Variants in PCDHB8 observed in about 807,000 individuals in gnomAD.
The protein encoded by PCDHB8 is protocadherin beta 8.
For missense variants in PCDHB8, 836 were observed against 1,004.0 expected (o/e 0.83, Z 2.26); for synonymous variants, 385 against 448.5 (o/e 0.86, Z 1.79).
Position 141,177,957 on chromosome 5 carries a change from A to G in PCDHB8, c.-78A>G. Reference sequence around the variant, plus strand: ...TGGCATATTTCTGAGGTATCTGTAGAAAACCACAGCCTCAGATACTGGGGA... The same window carrying G: ...TGGCATATTTCTGAGGTATCTGTAGGAAACCACAGCCTCAGATACTGGGGA... On this transcript the variant is annotated 5_prime_UTR_variant, in exon 1 of 1. Transcript: ENST00000239444. 1.2e-6 allele frequency: 2 copies of G among 1,607,764 alleles called. No individual in the cohort carries two copies. Among genetic ancestry groups the G allele is most frequent in the East Asian group, 4.5e-5 (2 of 44,826 alleles).
At position 141,179,835 on chromosome 5, in the gene PCDHB8, G is replaced by T. The variant is rs782203531; in HGVS notation, c.1801G>T (p.Ala601Ser). 1 of 1,610,152 alleles carries T rather than the reference G, an allele frequency of 6.2e-7. No individual in the cohort carries two copies. The highest frequency in any genetic ancestry group is 8.5e-7 in the Non-Finnish European group (1 of 1,179,662). ...VAVDGDSGQN[A>S]WLSYQLLKAT... is the part of the protein sequence containing the mutation. ...GGTGGACGGCGACTCGGGCCAGAAC[G>T]CCTGGCTGTCGTACCAGCTGCTCAA... is the stretch of plus-strand genomic sequence containing the variant. The change falls in exon 1 of 1, where the codon GCC becomes TCC. Residue 601 changes from alanine (A) to serine (S), a missense_variant. By Grantham distance (99) the Ala-to-Ser change is moderately conservative. Coordinates refer to ENST00000239444, the MANE Select transcript of PCDHB8 (RefSeq NM_019120.5).
rs541365803 is a variant in PCDHB8 at position 141,178,910 on chromosome 5, T to C, written c.876T>C (p.Thr292=). 2.5e-6 allele frequency: 4 copies of C among 1,614,222 alleles called. No individual in the cohort carries two copies. The Admixed American group carries it at 6.7e-5, about 27-fold the overall frequency. The change falls in exon 1 of 1, where the codon ACT becomes ACC. Residue 292 remains threonine, a synonymous_variant. Coordinates refer to ENST00000239444, the MANE Select transcript of PCDHB8 (RefSeq NM_019120.5). ...LFQASDEISK[T]FKVDFLTGEI... ...AAGCTTCAGATGAGATAAGCAAAAC[T>C]TTTAAGGTCGATTTCTTGACAGGAG...
At position 141,178,026 on chromosome 5, in the gene PCDHB8, G is replaced by A. The variant is rs782174445; in HGVS notation, c.-9G>A. 6.2e-7 allele frequency: 1 copy of A among 1,613,602 alleles called. No homozygotes were observed. The highest frequency in any genetic ancestry group is 1.3e-5 in the African/African-American group (1 of 74,606). On this transcript the variant is annotated 5_prime_UTR_variant, in exon 1 of 1. Transcript: ENST00000239444. ...CCGTCCTCCCAGGAAGCTGAATTCA[G>A]CAAGAACAATGGAGGCCAGCGGGAA...
In PCDHB8 at chr5:141,178,948, A is replaced by G. The variant is rs782692600; in HGVS notation, c.914A>G (p.Lys305Arg). ...TTCTTGACAGGAGAAATTCGACTAA[A>G]GAAACAACTTGATTTCGAAAAATTT... ...VDFLTGEIRL[K>R]KQLDFEKFQS... The change falls in exon 1 of 1, where the codon AAG becomes AGG. Residue 305 changes from lysine to arginine, a missense_variant. Physicochemically the swap from Lys to Arg is conservative, Grantham distance 26. Coordinates refer to ENST00000239444, the MANE Select transcript of PCDHB8 (RefSeq NM_019120.5). 9 of 1,614,256 alleles carry G rather than the reference A, an allele frequency of 5.6e-6. No individual in the cohort carries two copies. The highest frequency in any genetic ancestry group is 7.6e-6 in the Non-Finnish European group (9 of 1,180,036).
chr5:141,179,868 G>A lies in PCDHB8; in HGVS notation c.1834G>A (p.Glu612Lys), dbSNP rs782552370. The change falls in exon 1 of 1, where the codon GAG becomes AAG. Residue 612 changes from glutamate to lysine, a missense_variant. Physicochemically the swap from Glu to Lys is moderately conservative, Grantham distance 56. Transcript: ENST00000239444. ...WLSYQLLKAT[E>K]PGLFGVWAHN... ...GTCGTACCAGCTGCTCAAGGCCACG[G>A]AGCCCGGGCTGTTCGGTGTGTGGGC... 6.2e-7 allele frequency: 1 copy of A among 1,609,966 alleles called. No homozygotes were observed. The highest frequency in any genetic ancestry group is 8.5e-7 in the Non-Finnish European group (1 of 1,179,678).
chr5:141,180,281 C>A lies in PCDHB8; in HGVS notation c.2247C>A (p.Asn749Lys), dbSNP rs782244145. The change falls in exon 1 of 1, where the codon AAC becomes AAA. Residue 749 changes from asparagine to lysine, a missense_variant. Transcript: ENST00000239444. ...GGGGCACCGGGAGCCTGTCTCAGAACTATCAGTACGAGGTGTGCCTGGCAG... is the reference window on the plus strand; with the variant it reads ...GGGGCACCGGGAGCCTGTCTCAGAAATATCAGTACGAGGTGTGCCTGGCAG... The part of the protein sequence containing the change: ...DVRGTGSLSQ[N>K]YQYEVCLAGG... 1.2e-6 allele frequency: 2 copies of A among 1,613,906 alleles called. No homozygotes were observed. Among genetic ancestry groups the A allele is most frequent in the Non-Finnish European group, 1.7e-6 (2 of 1,179,972 alleles).
Position 141,180,128 on chromosome 5 carries a change from G to A in PCDHB8, c.2094G>A (p.Val698=), listed in dbSNP as rs370441568. 1.9e-6 allele frequency: 3 copies of A among 1,610,954 alleles called. No individual in the cohort carries two copies. Among genetic ancestry groups the A allele is most frequent in the African/African-American group, 2.7e-5 (2 of 74,844 alleles). ...TVYLVVALAS[V]SSLFLFSVLL... is the part of the protein sequence containing the mutation. ...ACCTGGTGGTGGCGTTGGCCTCGGT[G>A]TCTTCGCTCTTCCTCTTCTCGGTGC... Residue 698 remains valine, a synonymous_variant, in exon 1 of 1, where the codon GTG becomes GTA. Coordinates refer to ENST00000239444, the MANE Select transcript of PCDHB8 (RefSeq NM_019120.5).
Position 141,180,429 on chromosome 5 carries a change from CAG to C in PCDHB8, c.2396_2397del (p.Gln799LeufsTer27). 1 of 1,569,470 alleles carries C rather than the reference CAG, an allele frequency of 6.4e-7. No homozygotes were observed. The highest frequency in any genetic ancestry group is 8.7e-7 in the Non-Finnish European group (1 of 1,155,258). On this transcript the variant is annotated frameshift_variant, in exon 1 of 1. Transcript: ENST00000239444. LOFTEE classifies it high-confidence loss of function. ...NFRNGFGFSLQLK is the reference protein window; with the variant it reads ...NFRNGFGFSLXLK ...TAGGAATGGCTTTGGTTTCAGCCTT[CAG>C]TTAAAGTAATTGATTTCATATTATA... is the stretch of plus-strand genomic sequence containing the variant.
In PCDHB8 at chr5:141,179,209, T is replaced by G. The variant is rs1464997173; in HGVS notation, c.1175T>G (p.Phe392Cys). 3 of 1,614,140 alleles carry G rather than the reference T, an allele frequency of 1.9e-6. No individual in the cohort carries two copies. Among genetic ancestry groups the G allele is most frequent in the Non-Finnish European group, 2.5e-6 (3 of 1,180,048 alleles). ...ISCSIQEDLP[F>C]LLKSSVGNFY... is the part of the protein sequence containing the mutation. ...TGCTCCATTCAGGAGGATCTACCCT[T>G]CCTCCTGAAATCTTCTGTGGGGAAC... Residue 392 changes from phenylalanine to cysteine, a missense_variant, in exon 1 of 1, where the codon TTC (phenylalanine) becomes TGC (cysteine). Transcript: ENST00000239444.
chr5:141,180,044 C>A lies in PCDHB8; in HGVS notation c.2010C>A (p.Pro670=). 4 of 1,609,626 alleles carry A rather than the reference C, an allele frequency of 2.5e-6. No homozygotes were observed. The highest frequency in any genetic ancestry group is 2.5e-6 in the Non-Finnish European group (3 of 1,179,828). ...HVLLVDGFSQ[P]YLPLPEAAPA... Reference sequence around the variant, plus strand: ...TCCTGGTGGACGGCTTCTCCCAGCCCTACCTGCCGCTTCCGGAGGCTGCCC... The same window carrying A: ...TCCTGGTGGACGGCTTCTCCCAGCCATACCTGCCGCTTCCGGAGGCTGCCC... The change falls in exon 1 of 1, where the codon CCC becomes CCA. Residue 670 remains proline, a synonymous_variant. Coordinates refer to ENST00000239444, the MANE Select transcript of PCDHB8 (RefSeq NM_019120.5).
At position 141,179,481 on chromosome 5, in the gene PCDHB8, A is replaced by C; in HGVS notation, c.1447A>C (p.Thr483Pro). 1 of 1,613,562 alleles carries C rather than the reference A, an allele frequency of 6.2e-7. No homozygotes were observed. The highest frequency in any genetic ancestry group is 1.1e-5 in the South Asian group (1 of 91,058). The change falls in exon 1 of 1, where the codon ACC (threonine) becomes CCC (proline). Residue 483 changes from threonine to proline, a missense_variant. Transcript: ENST00000239444. ...SVSATDRDSG[T>P]NAQVTYSLLP... is the part of the protein sequence containing the mutation. ...CAGCGCCACAGACAGAGACTCGGGC[A>C]CCAACGCCCAGGTCACCTACTCGCT...
In PCDHB8 at chr5:141,179,952, A is replaced by T. The variant is rs782389783; in HGVS notation, c.1918A>T (p.Arg640Trp). ...LLSERDAAKQ[R>W]LVVLVKDNGE... Reference sequence around the variant, plus strand: ...GAGCGAGCGCGACGCGGCCAAGCAGAGGCTGGTGGTGCTGGTCAAGGACAA... The same window carrying T: ...GAGCGAGCGCGACGCGGCCAAGCAGTGGCTGGTGGTGCTGGTCAAGGACAA... Residue 640 changes from arginine (R) to tryptophan (W), a missense_variant, in exon 1 of 1, where the codon AGG becomes TGG. Transcript: ENST00000239444. 2,159 of 1,608,462 alleles carry T rather than the reference A, an allele frequency of 1.3e-3. 3 individuals are homozygous for T. The highest frequency in any genetic ancestry group is 1.7e-3 in the Non-Finnish European group (2,050 of 1,179,580).
At position 141,180,237 on chromosome 5, in the gene PCDHB8, G is replaced by A. The variant is rs782542862; in HGVS notation, c.2203G>A (p.Gly735Arg). The change falls in exon 1 of 1, where the codon GGG becomes AGG. Residue 735 changes from glycine (G) to arginine (R), a missense_variant. Transcript: ENST00000239444. ...RCSVPEGPFP[G>R]HLVDVRGTGS... The stretch of plus-strand genomic sequence containing the variant: ...CTCAGTGCCTGAGGGCCCCTTTCCA[G>A]GGCATCTGGTGGACGTGAGGGGCAC... The A allele has an allele frequency of 1.7e-5, 28 of 1,613,430 alleles. No individual in the cohort carries two copies. Among genetic ancestry groups the A allele is most frequent in the Non-Finnish European group, 2.2e-5 (26 of 1,179,966 alleles).
rs146928691 is a variant in PCDHB8, at chr5:141,180,172, T to G, written c.2138T>G (p.Leu713Arg). Reference protein sequence around the residue: ...LFSVLLFVAVLLCRRSRAASV... With the variant: ...LFSVLLFVAVRLCRRSRAASV... ...TCGGTGCTCCTGTTCGTGGCGGTGC[T>G]GCTGTGTAGGAGGAGCAGGGCGGCC... is the stretch of plus-strand genomic sequence containing the variant. Residue 713 changes from leucine (L) to arginine (R), a missense_variant, in exon 1 of 1, where the codon CTG becomes CGG. Physicochemically the swap from Leu to Arg is moderately radical, Grantham distance 102. Coordinates refer to ENST00000239444, the MANE Select transcript of PCDHB8 (RefSeq NM_019120.5). The G allele has an allele frequency of 3.2e-4, 510 of 1,612,392 alleles. 1 individual carries two copies. In the African/African-American group the frequency reaches 4.4e-3, roughly 14 times the overall value.
chr5:141,178,738 A>T lies in PCDHB8; in HGVS notation c.704A>T (p.Asp235Val), dbSNP rs782706627. 2.5e-6 allele frequency: 4 copies of T among 1,576,438 alleles called. No homozygotes were observed. The African/African-American group carries it at 5.4e-5, about 21-fold the overall frequency. The part of the protein sequence containing the change: ...GTAQVYIEVV[D>V]VNDNAPEFEQ... ...GCTCAGGTCTACATTGAAGTTGTCG[A>T]TGTCAATGATAATGCCCCTGAATTT... The change falls in exon 1 of 1, where the codon GAT becomes GTT. Residue 235 changes from aspartate to valine, a missense_variant. Transcript: ENST00000239444.
Position 141,179,299 on chromosome 5 carries a change from T to G in PCDHB8, c.1265T>G (p.Ile422Ser). The G allele has an allele frequency of 6.2e-7, 1 of 1,614,210 alleles. No individual in the cohort carries two copies. The highest frequency in any genetic ancestry group is 1.1e-5 in the South Asian group (1 of 91,090). The change falls in exon 1 of 1, where the codon ATC becomes AGC. Residue 422 changes from isoleucine (I) to serine (S), a missense_variant. Transcript: ENST00000239444. ...AGCAGAGCCGAGTACAACGTCACTA[T>G]CACCGTCACTGACTTAGGGACACCC... ...RESRAEYNVT[I>S]TVTDLGTPRL...
At position 141,179,161 on chromosome 5, in the gene PCDHB8, C is replaced by G; in HGVS notation, c.1127C>G (p.Ser376Ter). Residue 376 changes from serine (S) to a stop codon, truncating the protein, a stop_gained, in exon 1 of 1, where the codon TCA becomes TGA. Coordinates refer to ENST00000239444, the MANE Select transcript of PCDHB8 (RefSeq NM_019120.5). LOFTEE classifies it low-confidence loss of function (END_TRUNC). ...VALFSVSDLDSGENGKISCSI... is the reference protein window; with the variant it reads ...VALFSVSDLD ...CTTTTCAGTGTTTCAGACCTTGATT[C>G]AGGAGAAAATGGGAAAATAAGTTGC... 6.2e-7 allele frequency: 1 copy of G among 1,614,230 alleles called. No homozygotes were observed. Among genetic ancestry groups the G allele is most frequent in the South Asian group, 1.1e-5 (1 of 91,084 alleles).
Position 141,178,121 on chromosome 5 carries a change from G to A in PCDHB8, c.87G>A (p.Ala29=), listed in dbSNP as rs1413309533. 6.2e-7 allele frequency: 1 copy of A among 1,609,426 alleles called. No individual in the cohort carries two copies. Among genetic ancestry groups the A allele is most frequent in the Non-Finnish European group, 8.5e-7 (1 of 1,178,138 alleles). ...LLLGLSLAGA[A]EPRSYSVVEE... is the part of the protein sequence containing the mutation. ...TGGGCTTATCTCTGGCGGGCGCGGC[G>A]GAACCTAGAAGCTATTCTGTGGTGG... The change falls in exon 1 of 1, where the codon GCG becomes GCA. Residue 29 remains alanine (A), a synonymous_variant. Transcript: ENST00000239444.
Position 141,179,965 on chromosome 5 carries a change from T to C in PCDHB8, c.1931T>C (p.Leu644Pro), listed in dbSNP as rs1554281467. The C allele has an allele frequency of 1.9e-6, 3 of 1,608,682 alleles. No homozygotes were observed. The highest frequency in any genetic ancestry group is 1.1e-5 in the South Asian group (1 of 90,982). ...GCGGCCAAGCAGAGGCTGGTGGTGC[T>C]GGTCAAGGACAATGGCGAGCCTCCG... is the stretch of plus-strand genomic sequence containing the variant. ...RDAAKQRLVV[L>P]VKDNGEPPCS... is the part of the protein sequence containing the mutation. Residue 644 changes from leucine to proline, a missense_variant, in exon 1 of 1, where the codon CTG becomes CCG. Physicochemically the swap from Leu to Pro is moderately conservative, Grantham distance 98. Coordinates refer to ENST00000239444, the MANE Select transcript of PCDHB8 (RefSeq NM_019120.5).
Sources: allele counts gnomAD v4.1 joint callset, GRCh38; gene constraint gnomAD v4.1.1; transcripts MANE v1.5; gene names NCBI Gene and HGNC (gene_info 2026-07-23, HGNC 2026-07-21).